The following ULK4 variants were observed in gnomAD, a reference collection of about 807,000 sequenced individuals.
ULK4 encodes inactive serine/threonine-protein kinase ULK4.
A neutral mutation model predicts 160.6 loss-of-function variants in ULK4; 133 were observed. That is an observed-to-expected ratio of 0.83 (90% CI 0.72 to 0.96). ULK4 has a LOEUF of 0.96. Among genes scored for constraint, ULK4 ranks in the 40% least tolerant of loss-of-function variants. The pLI is 0.00. For synonymous variants in ULK4, 534 were observed against 539.8 expected (o/e 0.99, Z 0.15); for missense variants, 1,580 against 1,499.5 (o/e 1.05, Z -0.89).
At chr3:41,682,702 G>A (rs887101464) in intron 27 of ULK4, among the ~76,000 whole-genome samples, 1 of 152,186 alleles carries the variant, frequency 6.6e-6, no homozygotes, top group Admixed American at 6.5e-5. Context: ...CTAAGAACCA[G>A]GGGTGTTTTC....
chr3:41,529,598 C>T (rs568274161), intron 32 of ULK4, among the ~76,000 whole-genome samples: 1 of 152,176 alleles, frequency 6.6e-6, no homozygotes, highest in Non-Finnish European at 1.5e-5. Flanking sequence ...AATTCTTGTG[C>T]CTCAGTCTCC....
chr3:41,441,713 T>C (rs1575223308), intron 34 of ULK4, among the ~76,000 whole-genome samples: 1 of 152,148 alleles, frequency 6.6e-6, no homozygotes, highest in Non-Finnish European at 1.5e-5. Context: ...TAAAGTTAGG[T>C]GGTAGTGTTG....
At chr3:41,331,727 T>C (rs2125741071) in intron 35 of ULK4, among the ~76,000 whole-genome samples, 1 of 152,352 alleles carries the variant, frequency 6.6e-6, no homozygotes, top group African/African-American at 2.4e-5. Flanking sequence ...AAAGTTGTTT[T>C]GAGACGAATT....
chr3:41,805,894 T>C lies in ULK4; in HGVS notation c.1849-5601A>G, dbSNP rs1466545055. 6.5e-4 allele frequency among the ~76,000 whole-genome samples: 95 copies of C among 146,604 alleles called. 5 individuals carry two copies. The highest frequency in any genetic ancestry group is 5.0e-3 in the Admixed American group (73 of 14,730). On this transcript the variant is annotated intron_variant, in intron 19 of 36. Transcript: ENST00000301831. ...TGCTGGATTTGGTTTGCCAGTATTTTATTGAGGATTTTTGCATCAATGTTC... is the reference window on the plus strand; with the variant it reads ...TGCTGGATTTGGTTTGCCAGTATTTCATTGAGGATTTTTGCATCAATGTTC...
chr3:41,641,262 T>C (rs1156910030), intron 30 of ULK4, among the ~76,000 whole-genome samples: 1 of 152,244 alleles, frequency 6.6e-6, no homozygotes, highest in African/African-American at 2.4e-5. Flanking sequence ...AATTATGATA[T>C]ACAACATCTA....
At chr3:41,402,670 T>A (rs2082205688) in intron 34 of ULK4, among the ~76,000 whole-genome samples, 1 of 152,316 alleles carries the variant, frequency 6.6e-6, no homozygotes, top group South Asian at 2.1e-4. Context: ...TAATTTATGT[T>A]TCAATGTTAA....
intron 21 of ULK4, among the ~76,000 whole-genome samples, chr3:41,781,811 C>T (rs564278890): frequency 6.6e-6 from 1 of 151,940 alleles, no homozygotes; most frequent in African/African-American, 2.4e-5. Flanking sequence ...TGGTGCCAGG[C>T]ACCTGTAATC....
At chr3:41,502,411 A>G (rs971382150) in intron 32 of ULK4, among the ~76,000 whole-genome samples, 1 of 152,252 alleles carries the variant, frequency 6.6e-6, no homozygotes, top group African/African-American at 2.4e-5. Flanking sequence ...AAAGTTTAAA[A>G]GCACATTTAC....
intron 33 of ULK4, among the ~76,000 whole-genome samples, chr3:41,461,828 T>C (rs2083691872): frequency 6.6e-6 from 1 of 152,160 alleles, no homozygotes; most frequent in African/African-American, 2.4e-5. Context: ...TAAAAGTAAC[T>C]ATCAACTACA....
intron 14 of ULK4, among the ~76,000 whole-genome samples, chr3:41,897,581 AAT>A (rs1371583275): frequency 2.6e-5 from 4 of 152,152 alleles, no homozygotes; most frequent in Non-Finnish European, 4.4e-5. Flanking sequence ...TAATCTCCTA[AAT>A]AACTCAAAGA....
intron 35 of ULK4, among the ~76,000 whole-genome samples, chr3:41,297,015 C>T (rs187774161): frequency 2.4e-3 from 365 of 152,250 alleles, no homozygotes; most frequent in African/African-American, 8.3e-3. Context: ...TGTGCAGGAG[C>T]TCATCACACT....
At chr3:41,369,888 C>T (rs1443577778) in intron 35 of ULK4, among the ~76,000 whole-genome samples, 2 of 151,816 alleles carry the variant, frequency 1.3e-5, no homozygotes, top group African/African-American at 4.8e-5. Flanking sequence ...TTAAAACCTG[C>T]CCAGGCCAGG....
At chr3:41,641,999 C>T (rs1333923515) in intron 30 of ULK4, among the ~76,000 whole-genome samples, 3 of 151,706 alleles carry the variant, frequency 2.0e-5, no homozygotes, top group African/African-American at 7.3e-5. Flanking sequence ...CCTCAGCCTC[C>T]CAAGTAGCTG....
intron 27 of ULK4, among the ~76,000 whole-genome samples, chr3:41,688,621 T>C (rs1020579551): frequency 4.6e-5 from 7 of 152,190 alleles, no homozygotes; most frequent in African/African-American, 1.2e-4. Context: ...AAACAAAATC[T>C]GATTTGTTTT....
intron 2 of ULK4, among the ~76,000 whole-genome samples, chr3:41,946,746 G>GATA (rs2148836232): frequency 6.6e-6 from 1 of 152,274 alleles, no homozygotes; most frequent in African/African-American, 2.4e-5. Context: ...GTTGTGATCA[G>GATA]GTTTCCATGT....
intron 17 of ULK4, among the ~76,000 whole-genome samples, chr3:41,879,090 G>A (rs1192568361): frequency 6.6e-6 from 1 of 152,162 alleles, no homozygotes; most frequent in African/African-American, 2.4e-5. Flanking sequence ...TAAAAAATAA[G>A]AGACCAGGAA....
chr3:41,350,917 A>T (rs2080896403), intron 35 of ULK4, among the ~76,000 whole-genome samples: 1 of 152,188 alleles, frequency 6.6e-6, no homozygotes, highest in African/African-American at 2.4e-5. Context: ...CTCTTCTAGA[A>T]TGAAAGTAAA....
chr3:41,723,880 T>C (rs1460986386), intron 22 of ULK4, among the ~76,000 whole-genome samples: 2 of 152,224 alleles, frequency 1.3e-5, no homozygotes, highest in Non-Finnish European at 2.9e-5. Context: ...TCCGAGCATG[T>C]GACTGGAACA....
chr3:41,861,181 T>G lies in ULK4; in HGVS notation c.1656+22693A>C, dbSNP rs559379615. Among the ~76,000 whole-genome samples, 203 of 152,342 alleles carry G rather than the reference T, an allele frequency of 1.3e-3. 1 individual carries two copies. The highest frequency in any genetic ancestry group is 2.2e-3 in the Non-Finnish European group (153 of 68,032). The stretch of plus-strand genomic sequence containing the variant: ...CTTTCTACTTATAGTAGAAGTAGTT[T>G]ACACACAATTACAGTGTTACAATAT... On this transcript the variant is annotated intron_variant, in intron 17 of 36. Coordinates refer to ENST00000301831, the MANE Select transcript of ULK4 (RefSeq NM_017886.4).
Sources: allele counts gnomAD v4.1 joint callset (sites outside exome capture counted in the v4.1 genomes callset), GRCh38; gene constraint gnomAD v4.1.1; transcripts MANE v1.5; gene names NCBI Gene and HGNC (gene_info 2026-07-23, HGNC 2026-07-21).